AHNAK2: variants seen among roughly 807,000 people sequenced by gnomAD.
AHNAK2 encodes AHNAK nucleoprotein 2.
Under a neutral mutation model 30.7 loss-of-function variants are expected in AHNAK2, and 18 were observed. That is an observed-to-expected ratio of 0.59 (90% confidence interval 0.41 to 0.87). The LOEUF (loss-of-function observed/expected upper bound fraction) is 0.87. AHNAK2 is among the 40% of genes least tolerant of loss of function. AHNAK2 has a pLI of 0.00. For missense variants in AHNAK2, 8,604 were observed against 7,373.0 expected (o/e 1.17, Z -6.11); for synonymous variants, 3,590 against 3,073.8 (o/e 1.17, Z -5.56).
rs750208505 is a variant in AHNAK2 at position 104,943,918 on chromosome 14, C to T, written c.11533G>A (p.Asp3845Asn). The T allele has an allele frequency of 6.2e-7, 1 of 1,613,046 alleles. No individual in the cohort carries two copies. The highest frequency in any genetic ancestry group is 1.7e-5 in the Admixed American group (1 of 59,940). The change falls in exon 7 of 7, where the codon GAC becomes AAC. Residue 3845 changes from aspartate to asparagine, a missense_variant. By Grantham distance (23) the Asp-to-Asn change is conservative. Coordinates refer to ENST00000333244, the MANE Select transcript of AHNAK2 (RefSeq NM_138420.4). ...ATGCTGAGGTCAGTGGTCTTGAGGT[C>T]CCCCTGCATGGAGGGGAGACTCACA... Reference protein sequence around the residue: ...ADVSLPSMQGDLKTTDLSIQP... With the variant: ...ADVSLPSMQGNLKTTDLSIQP...
At position 104,975,659 on chromosome 14, in the gene AHNAK2, G is replaced by A. The variant is rs371729186; in HGVS notation, c.55+2524C>T. 1.5e-4 allele frequency among the ~76,000 whole-genome samples: 23 copies of A among 152,292 alleles called. No individual in the cohort carries two copies. The South Asian group carries it at 3.3e-3, about 22-fold the overall frequency. ...CCCTAAGAGCCCAGGGAGTCACTGC[G>A]TCACTGTCCCCAGCCTCAGTGTCCT... On this transcript the variant is annotated intron_variant, in intron 1 of 6. Coordinates refer to ENST00000333244, the MANE Select transcript of AHNAK2 (RefSeq NM_138420.4).
Position 104,950,764 on chromosome 14 carries a change from C to A in AHNAK2, c.4687G>T (p.Glu1563Ter). ...CCGGCTCCCTCGGACACAGGGCCCT[C>A]TGGGAGTTTCACGTCCACTTGGCCA... is the stretch of plus-strand genomic sequence containing the variant. ...QAGQVDVKLPEGPVSEGAGLK... is the reference protein window; with the variant it reads ...QAGQVDVKLP Residue 1563 changes from glutamate (E) to a stop codon, truncating the protein, a stop_gained, in exon 7 of 7, where the codon GAG becomes TAG. Transcript: ENST00000333244. LOFTEE classifies it low-confidence loss of function (END_TRUNC). The A allele has an allele frequency of 6.3e-7, 1 of 1,587,472 alleles. No homozygotes were observed. The highest frequency in any genetic ancestry group is 8.6e-7 in the Non-Finnish European group (1 of 1,162,774).
Position 104,951,814 on chromosome 14 carries a change from T to A in AHNAK2, c.3637A>T (p.Ile1213Phe), listed in dbSNP as rs763061941. ...QGDLKTTDLS[I>F]QPPSADLEVH... ...TCCAGGTCAGCGGAAGGGGGCTGAA[T>A]GCTGAGGTCAGTGGTCTTGAGGTCC... The change falls in exon 7 of 7, where the codon ATT becomes TTT. Residue 1213 changes from isoleucine (I) to phenylalanine (F), a missense_variant. Physicochemically the swap from Ile to Phe is conservative, Grantham distance 21. Coordinates refer to ENST00000333244, the MANE Select transcript of AHNAK2 (RefSeq NM_138420.4). 1 of 1,469,730 alleles carries A rather than the reference T, an allele frequency of 6.8e-7. No individual in the cohort carries two copies. The highest frequency in any genetic ancestry group is 9.4e-7 in the Non-Finnish European group (1 of 1,059,016). The allele number at this position is 1,469,730 out of a possible 1,614,324, so 91.0% of individuals were successfully genotyped here. A position where few individuals can be genotyped will look rare whatever the true frequency, so the allele number is the denominator to read the frequency against.
In AHNAK2 at chr14:104,945,694, G is replaced by C. The variant is rs763234780; in HGVS notation, c.9757C>G (p.Leu3253Val). Residue 3253 changes from leucine to valine, a missense_variant, in exon 7 of 7, where the codon CTG becomes GTG. Leu to Val is a conservative substitution (Grantham distance 32). Transcript: ENST00000333244. The part of the protein sequence containing the change: ...GPQIDIKGPK[L>V]DLKGPKMDVT... ...TCCATCTTCGGGCCTTTCAGGTCCA[G>C]CTTGGGGCCCTTGATGTCTATCTGG... The C allele has an allele frequency of 3.1e-6, 5 of 1,600,728 alleles. No homozygotes were observed. In the African/African-American group the frequency reaches 4.1e-5, roughly 13 times the overall value.
Position 104,947,427 on chromosome 14 carries a change from T to C in AHNAK2, c.8024A>G (p.Glu2675Gly). 6.2e-7 allele frequency: 1 copy of C among 1,611,402 alleles called. No individual in the cohort carries two copies. Among genetic ancestry groups the C allele is most frequent in the Non-Finnish European group, 8.5e-7 (1 of 1,179,202 alleles). ...GCTCATGTCGGCTTCCACCTTCAGC[T>C]CAGACACATCCACCAACGCCTCGAT... Reference protein sequence around the residue: ...ESIEALVDVSELKVEADMSLP... With the variant: ...ESIEALVDVSGLKVEADMSLP... The change falls in exon 7 of 7, where the codon GAG (glutamate) becomes GGG (glycine). Residue 2675 changes from glutamate to glycine, a missense_variant. By Grantham distance (98) the Glu-to-Gly change is moderately conservative (BLOSUM62 -2). Coordinates refer to ENST00000333244, the MANE Select transcript of AHNAK2 (RefSeq NM_138420.4).
intron 1 of AHNAK2, among the ~76,000 whole-genome samples, chr14:104,969,813 T>C (rs1899423114): frequency 6.6e-6 from 1 of 152,130 alleles, no homozygotes; most frequent in African/African-American, 2.4e-5. Flanking sequence ...CCAGGCGGGC[T>C]AGCCTGAGCC....
Position 104,938,914 on chromosome 14 carries a change from T to C in AHNAK2, c.16537A>G (p.Thr5513Ala). 1 of 1,613,588 alleles carries C rather than the reference T, an allele frequency of 6.2e-7. No individual in the cohort carries two copies. Among genetic ancestry groups the C allele is most frequent in the Non-Finnish European group, 8.5e-7 (1 of 1,179,840 alleles). ...AATAAGGAAAATCCGTACGAAGGTGTTTGAATCTCTGACGTGGGGATCTCT... is the reference window on the plus strand; with the variant it reads ...AATAAGGAAAATCCGTACGAAGGTGCTTGAATCTCTGACGTGGGGATCTCT... The part of the protein sequence containing the change: ...ESEIPTSEIQ[T>A]PSYGFSLLKV... Residue 5513 changes from threonine to alanine, a missense_variant, in exon 7 of 7, where the codon ACA (threonine) becomes GCA (alanine). Coordinates refer to ENST00000333244, the MANE Select transcript of AHNAK2 (RefSeq NM_138420.4).
In AHNAK2 at chr14:104,955,507, C is replaced by T. The variant is rs200786364; in HGVS notation, c.442G>A (p.Ala148Thr). ...VKQVLKDSSA[A>T]KLFNLREGDQ... ...CCTTCTCTCAAGTTAAAAAGCTTGG[C>T]GGCTGAGGAGTCCTTCAGCACTTGC... is the stretch of plus-strand genomic sequence containing the variant. Residue 148 changes from alanine to threonine, a missense_variant, in exon 5 of 7, where the codon GCC becomes ACC. Ala to Thr is a moderately conservative substitution (Grantham distance 58). Transcript: ENST00000333244. 468 of 1,613,222 alleles carry T rather than the reference C, an allele frequency of 2.9e-4. 2 individuals are homozygous for T. Among genetic ancestry groups the T allele is most frequent in the South Asian group, 1.6e-3 (148 of 90,932 alleles).
rs777345353 is a variant in AHNAK2, at chr14:104,944,069, C to T, written c.11382G>A (p.Lys3794=). The change falls in exon 7 of 7, where the codon AAG becomes AAA. Residue 3794 remains lysine (K), a synonymous_variant. Coordinates refer to ENST00000333244, the MANE Select transcript of AHNAK2 (RefSeq NM_138420.4). ...ATTTGCTGTCTTTGGCAGTCACATC[C>T]TTGTCGGCCAGGGACAGGTCCCCCT... ...QLEGDLSLAD[K]DVTAKDSKFK... The T allele has an allele frequency of 1.9e-6, 3 of 1,613,382 alleles. No homozygotes were observed. Among genetic ancestry groups the T allele is most frequent in the Non-Finnish European group, 2.5e-6 (3 of 1,179,670 alleles).
rs1595402239 is a variant in AHNAK2, at chr14:104,946,803, T to G, written c.8648A>C (p.Glu2883Ala). The G allele has an allele frequency of 1.2e-6, 2 of 1,612,522 alleles. No homozygotes were observed. The highest frequency in any genetic ancestry group is 4.5e-5 in the East Asian group (2 of 44,740). Residue 2883 changes from glutamate to alanine, a missense_variant, in exon 7 of 7, where the codon GAG (glutamate) becomes GCG (alanine). Physicochemically the swap from Glu to Ala is moderately radical, Grantham distance 107. Transcript: ENST00000333244. ...QAGQVDVKLP[E>A]GHVPEGAGLK... Reference sequence around the variant, plus strand: ...GCCGGCTCCCTCGGGAACGTGGCCCTCTGGGAGTTTCACGTCCACCTGGCC... The same window carrying G: ...GCCGGCTCCCTCGGGAACGTGGCCCGCTGGGAGTTTCACGTCCACCTGGCC...
Position 104,955,368 on chromosome 14 carries a change from G to A in AHNAK2, c.466+115C>T, listed in dbSNP as rs556915341. 237 of 1,429,516 alleles carry A rather than the reference G, an allele frequency of 1.7e-4. 2 individuals are homozygous for A. The African/African-American group carries it at 3.0e-3, about 18-fold the overall frequency. 88.6% of individuals were successfully genotyped at this position (1,429,516 alleles called of 1,614,324 possible). On this transcript the variant is annotated intron_variant, in intron 5 of 6. Coordinates refer to ENST00000333244, the MANE Select transcript of AHNAK2 (RefSeq NM_138420.4). ...CAGCCTCAAGCTGTTGAGCAGAGGCGTGAGGAGGTCATCCTAAGCTCCAGG... is the reference window on the plus strand; with the variant it reads ...CAGCCTCAAGCTGTTGAGCAGAGGCATGAGGAGGTCATCCTAAGCTCCAGG...
chr14:104,948,165 T>A lies in AHNAK2; in HGVS notation c.7286A>T (p.Asp2429Val). The change falls in exon 7 of 7, where the codon GAC (aspartate) becomes GTC (valine). Residue 2429 changes from aspartate (D) to valine (V), a missense_variant. Coordinates refer to ENST00000333244, the MANE Select transcript of AHNAK2 (RefSeq NM_138420.4). ...CACGTCCGTCTTGGGGCCTTTCAGG[T>A]CCAGCTTGGGGCCCTTGACATCTAT... is the stretch of plus-strand genomic sequence containing the variant. ...PQIDVKGPKL[D>V]LKGPKTDVMA... The A allele has an allele frequency of 6.2e-7, 1 of 1,612,452 alleles. No individual in the cohort carries two copies. Among genetic ancestry groups the A allele is most frequent in the Non-Finnish European group, 8.5e-7 (1 of 1,179,526 alleles).
chr14:104,949,757 C>G lies in AHNAK2; in HGVS notation c.5694G>C (p.Glu1898Asp). Residue 1898 changes from glutamate to aspartate, a missense_variant, in exon 7 of 7, where the codon GAG (glutamate) becomes GAC (aspartate). Glu to Asp is a conservative substitution (Grantham distance 45, BLOSUM62 2). Coordinates refer to ENST00000333244, the MANE Select transcript of AHNAK2 (RefSeq NM_138420.4). The stretch of plus-strand genomic sequence containing the variant: ...GCAAGTGCCCTTTGAGGCCGGCTCC[C>G]TCGGGCACCTGGCCCTCCGGGAGCT... ...DMKLPEGQVP[E>D]GAGLKGHLPK... The G allele has an allele frequency of 6.3e-7, 1 of 1,587,882 alleles. No individual in the cohort carries two copies.
rs773164554 is a variant in AHNAK2, at chr14:104,944,498, C to G, written c.10953G>C (p.Ser3651=). 1 of 1,612,006 alleles carries G rather than the reference C, an allele frequency of 6.2e-7. No individual in the cohort carries two copies. Among genetic ancestry groups the G allele is most frequent in the South Asian group, 1.1e-5 (1 of 90,952 alleles). Residue 3651 remains serine, a synonymous_variant, in exon 7 of 7, where the codon TCG becomes TCC. Coordinates refer to ENST00000333244, the MANE Select transcript of AHNAK2 (RefSeq NM_138420.4). The stretch of plus-strand genomic sequence containing the variant: ...AGGCCTCCATGGACTTCCCTGGGGC[C>G]GATACCCTGAATGACGGCATCTTGA... ...PKFKMPSFRV[S]APGKSMEASV...
At position 104,962,650 on chromosome 14, in the gene AHNAK2, G is replaced by A. The variant is rs1001968369; in HGVS notation, c.56-4978C>T. Reference sequence around the variant, plus strand: ...GGGGTTTCACCATGTTGCCCAGGCTGGTCTTGAACTCCTGGCCTCAAGTGA... The same window carrying A: ...GGGGTTTCACCATGTTGCCCAGGCTAGTCTTGAACTCCTGGCCTCAAGTGA... On this transcript the variant is annotated intron_variant, in intron 1 of 6. Transcript: ENST00000333244. Among the ~76,000 whole-genome samples the A allele has an allele frequency of 7.2e-5, 11 of 151,962 alleles. No individual in the cohort carries two copies. In the South Asian group the frequency reaches 2.1e-3, roughly 29 times the overall value.
At position 104,947,199 on chromosome 14, in the gene AHNAK2, A is replaced by C. The variant is rs1898329508; in HGVS notation, c.8252T>G (p.Ile2751Arg). ...MPEVDLKGPQ[I>R]DVKGPNVDLK... ...GTCCACGTTGGGGCCCTTAACATCT[A>C]TCTGGGGGCCCTTGAGGTCCACTTC... The change falls in exon 7 of 7, where the codon ATA becomes AGA. Residue 2751 changes from isoleucine to arginine, a missense_variant. By Grantham distance (97) the Ile-to-Arg change is moderately conservative. Coordinates refer to ENST00000333244, the MANE Select transcript of AHNAK2 (RefSeq NM_138420.4). 4.3e-6 allele frequency: 7 copies of C among 1,611,498 alleles called. 1 individual carries two copies. The African/African-American group carries it at 8.1e-5, about 19-fold the overall frequency.
intron 5 of AHNAK2, 33 bp from the exon 6 acceptor site, chr14:104,955,174 T>G (rs1898935590): frequency 6.3e-7 from 1 of 1,577,936 alleles, no homozygotes; most frequent in Admixed American, 1.7e-5. Flanking sequence ...CAGGGCCGGG[T>G]GTGTGAATGA....
rs1899018750 is a variant in AHNAK2, at chr14:104,957,674, T to C, written c.56-2A>G. Reference sequence around the variant, plus strand: ...CGGGCTGCAGCTGACGGCCGGACACTGCAGAGAGAGTGGCTGTCAGTGGAG... The same window carrying C: ...CGGGCTGCAGCTGACGGCCGGACACCGCAGAGAGAGTGGCTGTCAGTGGAG... On this transcript the variant is annotated splice_acceptor_variant, in intron 1 of 6. Transcript: ENST00000333244. LOFTEE classifies it high-confidence loss of function. The C allele has an allele frequency of 2.5e-6, 4 of 1,609,696 alleles. No individual in the cohort carries two copies. The highest frequency in any genetic ancestry group is 3.4e-6 in the Non-Finnish European group (4 of 1,178,630).
Position 104,946,629 on chromosome 14 carries a change from A to G in AHNAK2, c.8822T>C (p.Leu2941Pro). The change falls in exon 7 of 7, where the codon CTG becomes CCG. Residue 2941 changes from leucine to proline, a missense_variant. Coordinates refer to ENST00000333244, the MANE Select transcript of AHNAK2 (RefSeq NM_138420.4). ...EVTAPDVEVS[L>P]PSVEVDVEAP... Reference sequence around the variant, plus strand: ...CTCGACGTCCACCTCCACGCTGGGCAGAGACACCTCCACGTCGGGGGCCGT... The same window carrying G: ...CTCGACGTCCACCTCCACGCTGGGCGGAGACACCTCCACGTCGGGGGCCGT... 3 of 1,610,464 alleles carry G rather than the reference A, an allele frequency of 1.9e-6. No homozygotes were observed. The highest frequency in any genetic ancestry group is 3.3e-5 in the Admixed American group (2 of 59,708).
Sources: allele counts gnomAD v4.1 joint callset (sites outside exome capture counted in the v4.1 genomes callset), GRCh38; gene constraint gnomAD v4.1.1; transcripts MANE v1.5; gene names NCBI Gene and HGNC (gene_info 2026-07-23, HGNC 2026-07-21).